The following WFDC10B variants were observed in gnomAD, a reference collection of about 807,000 sequenced individuals.
The protein encoded by WFDC10B is protein WFDC10B.
WFDC10B carries 1 observed loss-of-function variant against 2.7 expected under a neutral mutation model. The ratio of observed to expected loss-of-function variants is 0.38; its 90% CI spans 0.13 to 1.79. WFDC10B has a LOEUF of 1.79. WFDC10B is among the 40% of genes most tolerant of loss of function. The pLI is 0.33. For missense variants in WFDC10B, 71 were observed against 87.8 expected, an observed-to-expected ratio of 0.81 and a Z score of 0.76; for synonymous variants, 26 against 32.2, an observed-to-expected ratio of 0.81 and a Z score of 0.65.
At chr20:45,704,687 C>T (rs1984316013) in intron 1 of WFDC10B, 126 bp from the exon 2 acceptor site, 1 of 1,333,328 alleles carries the variant, frequency 7.5e-7, no homozygotes, top group Non-Finnish European at 1.0e-6. Context: ...TGGATCTCTC[C>T]TTTTTTTTTT....
Position 45,695,137 on chromosome 20 carries a change from C to T in WFDC10B, c.-64-9081G>A, listed in dbSNP as rs547789857. 1.9e-4 allele frequency among the ~76,000 whole-genome samples: 29 copies of T among 152,276 alleles called. No homozygotes were observed. In the South Asian group the frequency reaches 5.6e-3, roughly 29 times the overall value. ...AAACTTTCAGATGGGATTGTGGGAG[C>T]CCCTGATTTATAGCCAGTAGATCAA... On this transcript the variant is annotated intron_variant, in intron 2 of 3. Transcript: ENST00000330523.
chr20:45,693,676 T>A (rs995705118), intron 2 of WFDC10B, among the ~76,000 whole-genome samples: 1 of 152,134 alleles, frequency 6.6e-6, no homozygotes, highest in Non-Finnish European at 1.5e-5. Context: ...TTTAAGCCTG[T>A]CGGAAAAGCA....
At chr20:45,695,857 T>C (rs986049654) in intron 2 of WFDC10B, among the ~76,000 whole-genome samples, 2 of 152,064 alleles carry the variant, frequency 1.3e-5, no homozygotes, top group Non-Finnish European at 2.9e-5. Context: ...GGTATGCACC[T>C]GTAGTCCCAA....
chr20:45,689,249 G>A (rs1019913929), intron 2 of WFDC10B, among the ~76,000 whole-genome samples: 1 of 151,612 alleles, frequency 6.6e-6, no homozygotes, highest in African/African-American at 2.4e-5. Flanking sequence ...TGTAGCCTTG[G>A]AGTATAGTCT....
chr20:45,685,865 C>G (rs1453833332), intron 3 of WFDC10B, 37 bp downstream of exon 3: 1 of 1,610,328 alleles, frequency 6.2e-7, no homozygotes, highest in Non-Finnish European at 8.5e-7. Context: ...TCCCCCTACC[C>G]AACTCTCCAT....
intron 2 of WFDC10B, among the ~76,000 whole-genome samples, chr20:45,694,396 CA>C (rs1983919479): frequency 6.6e-6 from 1 of 151,958 alleles, no homozygotes; most frequent in Non-Finnish European, 1.5e-5. Context: ...TAAAGTCAAA[CA>C]AAATACACAT....
chr20:45,693,843 C>T (rs1205751777), intron 2 of WFDC10B, among the ~76,000 whole-genome samples: 14 of 152,216 alleles, frequency 9.2e-5, no homozygotes, highest in Admixed American at 3.9e-4. Flanking sequence ...CACTGACCTG[C>T]GCCCACTGTC....
intron 2 of WFDC10B, among the ~76,000 whole-genome samples, chr20:45,689,752 G>A (rs1385573529): frequency 1.3e-5 from 2 of 152,200 alleles, no homozygotes; most frequent in African/African-American, 2.4e-5. Context: ...CTGAGACAAT[G>A]GGGTTTTCTA....
At chr20:45,685,324 T>A (rs966626213) in intron 3 of WFDC10B, among the ~76,000 whole-genome samples, 3 of 151,988 alleles carry the variant, frequency 2.0e-5, no homozygotes, top group African/African-American at 7.3e-5. Flanking sequence ...CCTCCCCTAG[T>A]CTCCAGAATT....
chr20:45,698,949 CA>C (rs1984059696), intron 2 of WFDC10B, among the ~76,000 whole-genome samples: 1 of 117,890 alleles, frequency 8.5e-6, no homozygotes, highest in Non-Finnish European at 1.6e-5. Flanking sequence ...GCCTGGGCGA[CA>C]GAGTGAGAAT....
intron 2 of WFDC10B, among the ~76,000 whole-genome samples, chr20:45,696,025 G>A (rs1303033865): frequency 2.6e-5 from 4 of 151,946 alleles, no homozygotes; most frequent in Non-Finnish European, 2.9e-5. Context: ...AGTGGCTCAC[G>A]CCTGTAATCC....
intron 2 of WFDC10B, among the ~76,000 whole-genome samples, chr20:45,696,975 G>A (rs1983997678): frequency 6.6e-6 from 1 of 151,888 alleles, no homozygotes; most frequent in South Asian, 2.1e-4. Flanking sequence ...TCCTTAACAT[G>A]ATTAAAGGTA....
chr20:45,700,356 G>C (rs1984115474), intron 2 of WFDC10B, among the ~76,000 whole-genome samples: 1 of 152,204 alleles, frequency 6.6e-6, no homozygotes. Flanking sequence ...CACATCCTAT[G>C]AAGTCAGCAT....
At position 45,684,721 on chromosome 20, in the gene WFDC10B, GTTGATGTTCTTGTGCTGATGAT is replaced by G. The variant is rs1187324703; in HGVS notation, c.*87_*108del. The G allele has an allele frequency of 1.3e-5, 19 of 1,460,568 alleles. No individual in the cohort carries two copies. The highest frequency in any genetic ancestry group is 1.8e-4 in the Middle Eastern group (1 of 5,454). The allele number at this position is 1,460,568 out of a possible 1,614,324, so 90.5% of individuals were successfully genotyped here. On this transcript the variant is annotated 3_prime_UTR_variant, in exon 4 of 4. Transcript: ENST00000330523. ...AGACACTGGGGAGGGTGGCATTCCT[GTTGATGTTCTTGTGCTGATGAT>G]TTGATGTCCTTGTGCTTCGGATGTG... is the stretch of plus-strand genomic sequence containing the variant.
At chr20:45,696,653 T>A (rs537059818) in intron 2 of WFDC10B, among the ~76,000 whole-genome samples, 1 of 152,188 alleles carries the variant, frequency 6.6e-6, no homozygotes, top group African/African-American at 2.4e-5. Flanking sequence ...TAACCTTGGA[T>A]GAAATGGACA....
At chr20:45,702,164 G>T (rs1451394977) in intron 2 of WFDC10B, 2 of 1,613,442 alleles carry the variant, frequency 1.2e-6, no homozygotes, top group South Asian at 2.2e-5. Context: ...GTGGTGTTCT[G>T]CCTAGCACTG....
chr20:45,686,342 T>G (rs550598626), intron 2 of WFDC10B, among the ~76,000 whole-genome samples: 1 of 152,360 alleles, frequency 6.6e-6, no homozygotes, highest in East Asian at 1.9e-4. Context: ...GAAATATAAT[T>G]TTTTAAAAGG....
At position 45,684,930 on chromosome 20, in the gene WFDC10B, A is replaced by G. The variant is rs1983557935; in HGVS notation, c.122T>C (p.Ile41Thr). Reference protein sequence around the residue: ...RIKVCEKRPSIDLCIHHCSYF... With the variant: ...RIKVCEKRPSTDLCIHHCSYF... ...TGAACAGTGGTGGATGCATAGATCTATGCTGGGTCGCTTCTCACAGACCTT... is the reference window on the plus strand; with the variant it reads ...TGAACAGTGGTGGATGCATAGATCTGTGCTGGGTCGCTTCTCACAGACCTT... Residue 41 changes from isoleucine to threonine, a missense_variant, in exon 4 of 4, where the codon ATA (isoleucine) becomes ACA (threonine). By Grantham distance (89) the Ile-to-Thr change is moderately conservative. Coordinates refer to ENST00000330523, the MANE Select transcript of WFDC10B (RefSeq NM_172006.2). The G allele has an allele frequency of 6.2e-7, 1 of 1,613,864 alleles. No individual in the cohort carries two copies. The highest frequency in any genetic ancestry group is 8.5e-7 in the Non-Finnish European group (1 of 1,179,968).
chr20:45,686,819 C>T (rs560827380), intron 2 of WFDC10B, among the ~76,000 whole-genome samples: 1 of 152,018 alleles, frequency 6.6e-6, no homozygotes, highest in Non-Finnish European at 1.5e-5. Flanking sequence ...TGCCATCACA[C>T]CCAGATAATT....
Sources: gnomAD v4.1 joint callset for allele counts (sites outside exome capture counted in the v4.1 genomes callset) on GRCh38, gnomAD v4.1.1 for gene constraint, MANE v1.5 for transcripts, NCBI Gene and HGNC (gene_info 2026-07-23, HGNC 2026-07-21) for gene names.